Variants in ABCA12 observed in about 807,000 individuals in gnomAD.
The protein encoded by ABCA12 is glucosylceramide transporter ABCA12.
ABCA12 carries 156 observed loss-of-function variants against 293.5 expected under a neutral mutation model. The observed-to-expected ratio is 0.53, with a 90% CI of 0.47 to 0.61. ABCA12 has a LOEUF of 0.61. ABCA12 is among the 20% of genes least tolerant of loss of function. The probability of loss-of-function intolerance (pLI) is 0.00; values close to 1 mark genes in which losing one functional copy is unlikely to be tolerated. For synonymous variants in ABCA12, 1,063 were observed against 1,108.0 expected (o/e 0.96, Z 0.81); for missense variants, 2,797 against 3,090.2 (o/e 0.91, Z 2.25).
intron 8 of ABCA12, among the ~76,000 whole-genome samples, chr2:215,033,834 G>C (rs1345933061): frequency 4.6e-5 from 7 of 152,064 alleles, no homozygotes; most frequent in African/African-American, 1.7e-4. Flanking sequence ...CCAGGTACTT[G>C]GGAGGCTGAA....
intron 2 of ABCA12, among the ~76,000 whole-genome samples, chr2:215,097,255 T>C (rs1452006492): frequency 6.6e-6 from 1 of 152,196 alleles, no homozygotes; most frequent in Non-Finnish European, 1.5e-5. Flanking sequence ...TATTAGTTTT[T>C]TTTTGAGGAC....
chr2:215,124,146 C>T (rs1702870279), intron 1 of ABCA12, among the ~76,000 whole-genome samples: 1 of 152,164 alleles, frequency 6.6e-6, no homozygotes, highest in Admixed American at 6.5e-5. Flanking sequence ...ATATATTCCA[C>T]AGTTTTTTAA....
intron 26 of ABCA12, among the ~76,000 whole-genome samples, chr2:214,989,094 G>T (rs1048362093): frequency 6.8e-5 from 10 of 146,776 alleles, no homozygotes; most frequent in African/African-American, 2.5e-4. Flanking sequence ...CAGGAGAATC[G>T]CTTGAACCTG....
At chr2:215,057,912 T>C (rs766704918) in intron 3 of ABCA12, among the ~76,000 whole-genome samples, 2 of 152,038 alleles carry the variant, frequency 1.3e-5, no homozygotes, top group Non-Finnish European at 2.9e-5. Context: ...TATTCATTCA[T>C]TAACTCACCA....
intron 1 of ABCA12, among the ~76,000 whole-genome samples, chr2:215,134,400 G>GTA (rs1207512459): frequency 7.1e-6 from 1 of 141,826 alleles, no homozygotes; most frequent in South Asian, 2.1e-4. Flanking sequence ...ATGTATATGT[G>GTA]TATATATGTA....
chr2:214,957,548 G>A (rs1340188752), intron 41 of ABCA12, among the ~76,000 whole-genome samples: 1 of 152,134 alleles, frequency 6.6e-6, no homozygotes, highest in African/African-American at 2.4e-5. Flanking sequence ...ACACATTTTA[G>A]ACCTCACTGG....
At chr2:215,079,409 A>T (rs1701894040) in intron 2 of ABCA12, among the ~76,000 whole-genome samples, 1 of 152,098 alleles carries the variant, frequency 6.6e-6, no homozygotes, top group Admixed American at 6.6e-5. Flanking sequence ...TTCGGTATCA[A>T]CTCCTTGGTG....
chr2:214,972,495 C>T (rs1468166656), intron 36 of ABCA12, among the ~76,000 whole-genome samples: 2 of 151,732 alleles, frequency 1.3e-5, no homozygotes, highest in Admixed American at 6.6e-5. Flanking sequence ...CAGCCTTGAC[C>T]CCGTGGGCTC....
At chr2:214,975,233 G>A (rs1424280991) in intron 34 of ABCA12, among the ~76,000 whole-genome samples, 6 of 152,136 alleles carry the variant, frequency 3.9e-5, no homozygotes, top group Non-Finnish European at 8.8e-5. Context: ...CAAGGTTCTA[G>A]GATTACAGGC....
At chr2:215,025,885 A>G in intron 10 of ABCA12, 106 bp from the exon 11 acceptor site, 1 of 749,482 alleles carries the variant, frequency 1.3e-6, no homozygotes, top group Non-Finnish European at 2.3e-6. Context: ...TTTTCCTAAG[A>G]TAATAGCCTA....
chr2:215,137,883 T>C (rs1244568985), intron 1 of ABCA12, among the ~76,000 whole-genome samples: 1 of 152,150 alleles, frequency 6.6e-6, no homozygotes, highest in African/African-American at 2.4e-5. Flanking sequence ...TAATGAGTCA[T>C]GTTCTTTTTT....
At chr2:214,977,087 A>G (rs566612650) in intron 33 of ABCA12, among the ~76,000 whole-genome samples, 3 of 152,344 alleles carry the variant, frequency 2.0e-5, no homozygotes, top group South Asian at 4.1e-4. Context: ...ATGCAAACTC[A>G]TATCTCTGCA....
At chr2:215,097,389 T>C (rs1037616651) in intron 2 of ABCA12, among the ~76,000 whole-genome samples, 2 of 152,176 alleles carry the variant, frequency 1.3e-5, no homozygotes, top group African/African-American at 2.4e-5. Context: ...CACTTGATTA[T>C]GTAATAGATT....
intron 23 of ABCA12, 133 bp from the exon 24 acceptor site, chr2:214,991,164 A>G (rs1699904633): frequency 1.2e-6 from 1 of 831,832 alleles, no homozygotes; most frequent in Non-Finnish European, 2.0e-6. Context: ...ATTTACATAA[A>G]TCAAGAATTT....
intron 43 of ABCA12, among the ~76,000 whole-genome samples, 173 bp from the exon 44 acceptor site, chr2:214,954,280 G>A (rs1422939354): frequency 1.3e-5 from 2 of 152,062 alleles, no homozygotes; most frequent in Admixed American, 6.6e-5. Flanking sequence ...ACTAAATGGT[G>A]GATGTTTATC....
chr2:215,120,944 C>A lies in ABCA12; in HGVS notation c.70-9254G>T, dbSNP rs149635487. On this transcript the variant is annotated intron_variant, in intron 1 of 52. Coordinates refer to ENST00000272895, the MANE Select transcript of ABCA12 (RefSeq NM_173076.3). Reference sequence around the variant, plus strand: ...TAAGTACTGTTAAAAAATATGTTCCCCAGGATGAATTCTTGTTGTCAAGTG... The same window carrying A: ...TAAGTACTGTTAAAAAATATGTTCCACAGGATGAATTCTTGTTGTCAAGTG... Among the ~76,000 whole-genome samples the A allele has an allele frequency of 3.9e-3, 591 of 152,196 alleles. 5 individuals are homozygous for A. The highest frequency in any genetic ancestry group is 0.014 in the African/African-American group (561 of 41,518).
At chr2:215,113,376 T>C (rs558166224) in intron 1 of ABCA12, among the ~76,000 whole-genome samples, 1 of 152,336 alleles carries the variant, frequency 6.6e-6, no homozygotes, top group African/African-American at 2.4e-5. Context: ...AAAGCACCCA[T>C]AAAGACTGAA....
rs149260525 is a variant in ABCA12 at position 214,966,783 on chromosome 2, G to C, written c.5884+65C>G. The C allele has an allele frequency of 5.0e-4, 716 of 1,436,144 alleles. 7 individuals are homozygous for C. In the African/African-American group the frequency reaches 7.8e-3, roughly 16 times the overall value. 89.0% of individuals were successfully genotyped at this position (1,436,144 alleles called of 1,614,324 possible). Reference sequence around the variant, plus strand: ...CACCTGTGAAGAAACAGGATATAAAGTGCATTTTTATACAAAGAGTAACAG... The same window carrying C: ...CACCTGTGAAGAAACAGGATATAAACTGCATTTTTATACAAAGAGTAACAG... On this transcript the variant is annotated intron_variant, in intron 39 of 52. Transcript: ENST00000272895.
intron 2 of ABCA12, among the ~76,000 whole-genome samples, chr2:215,094,771 C>A (rs1432251751): frequency 2.0e-5 from 3 of 152,096 alleles, no homozygotes; most frequent in South Asian, 2.1e-4. Context: ...AAAATCGAAC[C>A]GCCCCCTCTA....
Sources: gnomAD v4.1 joint callset for allele counts (sites outside exome capture counted in the v4.1 genomes callset) on GRCh38, gnomAD v4.1.1 for gene constraint, MANE v1.5 for transcripts, NCBI Gene and HGNC (gene_info 2026-07-23, HGNC 2026-07-21) for gene names.